Variants in ZC3H12B observed in about 807,000 individuals in gnomAD.
The protein encoded by ZC3H12B is probable ribonuclease ZC3H12B.
Under a neutral mutation model 43.9 loss-of-function variants are expected in ZC3H12B, and 7 were observed. The ratio of observed to expected loss-of-function variants is 0.16; its 90% confidence interval spans 0.09 to 0.30. ZC3H12B has a LOEUF of 0.30. ZC3H12B is among the 10% of genes least tolerant of loss of function. ZC3H12B has a pLI of 1.00. For missense variants in ZC3H12B, 475 were observed against 670.2 expected (o/e 0.71, Z 3.22); for synonymous variants, 222 against 241.7 (o/e 0.92, Z 0.76).
chrX:65,404,990 A>G (rs2066805779), intron 3 of ZC3H12B, among the ~76,000 whole-genome samples: 2 of 112,772 alleles, frequency 1.8e-5, no homozygotes, highest in Admixed American at 1.9e-4. Flanking sequence ...AAATTGAGAT[A>G]ACATCAAGCA....
the ZC3H12B span, among the ~76,000 whole-genome samples, chrX:65,101,024 A>G: frequency 1.8e-5 from 2 of 111,963 alleles, no homozygotes; most frequent in Non-Finnish European, 3.8e-5. Context: ...ATTCAAAAGA[A>G]TGGAAATTAT....
At chrX:65,226,387 G>A in the ZC3H12B span, among the ~76,000 whole-genome samples, 1 of 110,969 alleles carries the variant, frequency 9.0e-6, no homozygotes, top group Non-Finnish European at 1.9e-5. Context: ...AACATGGAAA[G>A]GAACAACCGG....
At chrX:65,358,996 A>C in the ZC3H12B span, among the ~76,000 whole-genome samples, 1 of 111,417 alleles carries the variant, frequency 9.0e-6, no homozygotes, top group South Asian at 3.8e-4. Flanking sequence ...GCCAGTGCTC[A>C]TTTTCCATTT....
the ZC3H12B span, among the ~76,000 whole-genome samples, chrX:65,348,005 C>T: frequency 1.0e-4 from 11 of 109,462 alleles, no homozygotes; most frequent in South Asian, 4.0e-4. Flanking sequence ...CCAAACACTG[C>T]GTGTTCTCAT....
At chrX:65,171,745 A>G in the ZC3H12B span, among the ~76,000 whole-genome samples, 2 of 110,274 alleles carry the variant, frequency 1.8e-5, no homozygotes, top group Admixed American at 1.9e-4. Context: ...GCAATGGTGG[A>G]CGCCCCTCCC....
At chrX:65,161,340 C>T in the ZC3H12B span, among the ~76,000 whole-genome samples, 1 of 111,456 alleles carries the variant, frequency 9.0e-6, no homozygotes. Context: ...TCTCGTTGAT[C>T]TGTCTGTTGT....
chrX:65,109,430 A>G, the ZC3H12B span, among the ~76,000 whole-genome samples: 1 of 111,842 alleles, frequency 8.9e-6, no homozygotes, highest in Non-Finnish European at 1.9e-5. Flanking sequence ...TGAGCATTTC[A>G]TCTAAATGTA....
intron 3 of ZC3H12B, among the ~76,000 whole-genome samples, chrX:65,438,807 C>T (rs1311908670): frequency 8.8e-6 from 1 of 113,267 alleles, no homozygotes; most frequent in African/African-American, 3.2e-5. Flanking sequence ...TCCTTGCCCT[C>T]ATCCCCATAA....
chrX:65,409,556 CCACACACACACACA>C (rs149933064), intron 3 of ZC3H12B, among the ~76,000 whole-genome samples: 8 of 87,658 alleles, frequency 9.1e-5, no homozygotes, highest in East Asian at 7.2e-4. Context: ...CCTAAAGACT[CCACACACACACACA>C]CACACACACA....
the ZC3H12B span, among the ~76,000 whole-genome samples, chrX:65,184,651 A>G: frequency 9.0e-6 from 1 of 111,613 alleles, no homozygotes; most frequent in Non-Finnish European, 1.9e-5. Context: ...ATAGTTTGGA[A>G]CTGTTGAAGT....
the ZC3H12B span, among the ~76,000 whole-genome samples, chrX:65,148,117 G>C: frequency 9.0e-6 from 1 of 111,269 alleles, no homozygotes; most frequent in East Asian, 2.8e-4. Flanking sequence ...ACAGGGACTG[G>C]CCTGGCATTG....
chrX:65,314,576 A>T, the ZC3H12B span, among the ~76,000 whole-genome samples: 1 of 112,317 alleles, frequency 8.9e-6, no homozygotes, highest in African/African-American at 3.2e-5. Flanking sequence ...AATGAAAGTG[A>T]AACAGAAAAC....
the ZC3H12B span, among the ~76,000 whole-genome samples, chrX:65,152,765 G>A: frequency 9.0e-6 from 1 of 111,500 alleles, no homozygotes; most frequent in South Asian, 3.7e-4. Context: ...AAAAGAGCCC[G>A]CATTGCCAAG....
At chrX:65,212,192 A>G in the ZC3H12B span, among the ~76,000 whole-genome samples, 38 of 49,804 alleles carry the variant, frequency 7.6e-4, no homozygotes, top group Non-Finnish European at 1.1e-3. Flanking sequence ...TATATATTAT[A>G]TAATATAATT....
Position 65,453,359 on chromosome X carries a change from CATATATATATATATAT to C in ZC3H12B, n.408-35257_408-35242del, listed in dbSNP as rs1159840122. On this transcript the variant is annotated intron_variant and non_coding_transcript_variant, in intron 3 of 5. Transcript: ENST00000617377. ...CAATAATATGGAACCAGCTCAAATG[CATATATATATATATAT>C]ATATATATATATATATATATATATA... 1.1e-3 allele frequency among the ~76,000 whole-genome samples: 30 copies of C among 27,175 alleles called. No individual in the cohort carries two copies. The East Asian group carries it at 0.015, about 13-fold the overall frequency. The allele number at this position is 27,175 out of a possible 115,157, so 23.6% of individuals were successfully genotyped here.
the ZC3H12B span, among the ~76,000 whole-genome samples, chrX:65,179,169 A>G: frequency 9.1e-6 from 1 of 110,007 alleles, no homozygotes; most frequent in Non-Finnish European, 1.9e-5. Context: ...AAAAAACCAA[A>G]CACCACACGT....
chrX:65,259,832 C>T, the ZC3H12B span, among the ~76,000 whole-genome samples: 1 of 111,549 alleles, frequency 9.0e-6, no homozygotes, highest in Admixed American at 9.6e-5. Flanking sequence ...AAATGCCCAT[C>T]AATCAATGAG....
the ZC3H12B span, among the ~76,000 whole-genome samples, chrX:65,226,347 G>T: frequency 3.0e-4 from 33 of 111,219 alleles, no homozygotes; most frequent in Admixed American, 2.9e-3. Flanking sequence ...CACCAGGCCT[G>T]CCCTAAAAGA....
chrX:65,287,020 G>A, the ZC3H12B span, among the ~76,000 whole-genome samples: 9 of 110,663 alleles, frequency 8.1e-5, no homozygotes, highest in Admixed American at 6.7e-4. Context: ...CCCAACACCG[G>A]TGCACTCAGA....
Sources: gnomAD v4.1 joint callset for allele counts (sites outside exome capture counted in the v4.1 genomes callset) on GRCh38, gnomAD v4.1.1 for gene constraint, MANE v1.5 for transcripts, NCBI Gene and HGNC (gene_info 2026-07-23, HGNC 2026-07-21) for gene names.